The following SCN2A variants were observed in gnomAD, a reference collection of about 807,000 sequenced individuals.
The protein encoded by SCN2A is sodium channel protein type 2 subunit alpha.
A neutral mutation model predicts 188.7 loss-of-function variants in SCN2A; 20 were observed. The ratio of observed to expected loss-of-function variants is 0.11; its 90% confidence interval spans 0.07 to 0.15. The LOEUF is 0.15. SCN2A is among the 10% of genes least tolerant of loss of function. SCN2A has a pLI of 1.00. For synonymous variants in SCN2A, 804 were observed against 833.1 expected, an observed-to-expected ratio of 0.97 and a Z score of 0.60; for missense variants, 1,278 against 2,445.0, an observed-to-expected ratio of 0.52 and a Z score of 10.07.
At position 165,280,486 on chromosome 2, in the gene SCN2A, CT is replaced by C. The variant is rs562501399; in HGVS notation, c.-51-15284del. On this transcript the variant is annotated intron_variant, in intron 1 of 26. Transcript: ENST00000375437. ...TTTAAGAATCTGTACCTGTGTCTTG[CT>C]TTAGATAACTGTCTTCAGATTATCT... Among the ~76,000 whole-genome samples, 878 of 152,184 alleles carry C rather than the reference CT, an allele frequency of 5.8e-3. 2 individuals are homozygous for C. Among genetic ancestry groups the C allele is most frequent in the Non-Finnish European group, 8.6e-3 (582 of 68,026 alleles).
intron 23 of SCN2A, among the ~76,000 whole-genome samples, chr2:165,379,615 T>A (rs975665509): frequency 6.6e-6 from 1 of 151,790 alleles, no homozygotes; most frequent in African/African-American, 2.4e-5. Context: ...CTTTTAAAAA[T>A]TTTAAAAATA....
At chr2:165,260,611 A>G (rs535867556) in intron 1 of SCN2A, among the ~76,000 whole-genome samples, 2 of 152,202 alleles carry the variant, frequency 1.3e-5, no homozygotes, top group South Asian at 4.1e-4. Flanking sequence ...ATCCCTCAGT[A>G]TGCATGGAGG....
intron 3 of SCN2A, among the ~76,000 whole-genome samples, chr2:165,307,124 T>C (rs1156459596): frequency 1.3e-5 from 2 of 152,154 alleles, no homozygotes; most frequent in Non-Finnish European, 2.9e-5. Flanking sequence ...GTGTTCTGTA[T>C]GATCCAGGAA....
chr2:165,294,073 G>C, intron 1 of SCN2A: 2 of 874,310 alleles, frequency 2.3e-6, no homozygotes, highest in Non-Finnish European at 2.7e-6. Context: ...TGGAATTTTA[G>C]CTGCAGTCTT....
chr2:165,327,086 A>C, intron 13 of SCN2A, 102 bp downstream of exon 13: 6 of 1,359,938 alleles, frequency 4.4e-6, no homozygotes, highest in Non-Finnish European at 6.3e-6. Flanking sequence ...ATATTGTATC[A>C]TTATTACACA....
chr2:165,290,757 A>G (rs1696058503), intron 1 of SCN2A: 1 of 985,054 alleles, frequency 1.0e-6, no homozygotes, highest in African/African-American at 1.7e-5. Flanking sequence ...TGATTGCAGT[A>G]GGACAACTTA....
chr2:165,327,274 G>T, intron 13 of SCN2A: 2 of 388,348 alleles, frequency 5.2e-6, no homozygotes, highest in South Asian at 2.2e-5. Flanking sequence ...GTTGAAAAGA[G>T]TGTAATGATA....
At chr2:165,312,239 T>G in intron 8 of SCN2A, 151 bp downstream of exon 8, 1 of 686,760 alleles carries the variant, frequency 1.5e-6, no homozygotes, top group Non-Finnish European at 2.7e-6. Context: ...CCAGGATAAG[T>G]GTAGATTCTC....
chr2:165,246,994 A>AT (rs1425301849), intron 1 of SCN2A, among the ~76,000 whole-genome samples: 3 of 151,882 alleles, frequency 2.0e-5, no homozygotes, highest in Admixed American at 6.6e-5. Flanking sequence ...ATCAGGAGAG[A>AT]TTTTTCCCCA....
At position 165,368,942 on chromosome 2, in the gene SCN2A, AT is replaced by A. The variant is rs1262173336; in HGVS notation, c.3676-1178del. ...CTTTACCTTTATTATTATTATTATT[AT>A]TTTTTAGACAGTCTTGCTGTTGCCC... On this transcript the variant is annotated intron_variant, in intron 19 of 26. Transcript: ENST00000375437. Among the ~76,000 whole-genome samples, 4 of 151,724 alleles carry A rather than the reference AT, an allele frequency of 2.6e-5. No homozygotes were observed. In the East Asian group the frequency reaches 7.8e-4, roughly 30 times the overall value.
intron 16 of SCN2A, among the ~76,000 whole-genome samples, chr2:165,353,011 A>G (rs1700006313): frequency 6.6e-6 from 1 of 150,448 alleles, no homozygotes; most frequent in African/African-American, 2.4e-5. Flanking sequence ...TATATGACTC[A>G]GTCTTGTACC....
chr2:165,249,403 C>T (rs905818835), intron 1 of SCN2A, among the ~76,000 whole-genome samples: 2 of 152,052 alleles, frequency 1.3e-5, no homozygotes, highest in Non-Finnish European at 2.9e-5. Context: ...GCAGTATTCT[C>T]ACTGTCTAAT....
chr2:165,279,982 C>T (rs1425340071), intron 1 of SCN2A, among the ~76,000 whole-genome samples: 2 of 152,086 alleles, frequency 1.3e-5, no homozygotes, highest in East Asian at 1.9e-4. Flanking sequence ...CCACCATTCA[C>T]GAAATATGTG....
chr2:165,380,784 C>T, intron 24 of SCN2A, 55 bp downstream of exon 24: 1 of 1,366,128 alleles, frequency 7.3e-7, no homozygotes, highest in South Asian at 1.2e-5. Context: ...ATATTTCATA[C>T]TCTTTCCTTT....
At chr2:165,350,076 T>G (rs1699805401) in intron 16 of SCN2A, among the ~76,000 whole-genome samples, 1 of 152,180 alleles carries the variant, frequency 6.6e-6, no homozygotes. Context: ...TATGAGCCAT[T>G]CTTAGTTTCC....
intron 1 of SCN2A, chr2:165,272,794 ACAC>A (rs1695161413): frequency 6.6e-6 from 1 of 151,140 alleles, no homozygotes; most frequent in Non-Finnish European, 1.5e-5. Context: ...ACACACACAC[ACAC>A]ACACACACAA....
At chr2:165,372,331 C>T (rs1701081266) in intron 20 of SCN2A, 1 of 151,990 alleles carries the variant, frequency 6.6e-6, no homozygotes, top group Non-Finnish European at 1.5e-5. Context: ...TAACAACTTT[C>T]AATGTGCTTC....
chr2:165,326,812 T>C, intron 12 of SCN2A, 40 bp from the exon 13 acceptor site: 1 of 1,612,786 alleles, frequency 6.2e-7, no homozygotes. Flanking sequence ...TTTGCTGCTT[T>C]CAAAAATAGT....
intron 1 of SCN2A, among the ~76,000 whole-genome samples, chr2:165,293,213 G>A (rs1454111329): frequency 1.3e-5 from 2 of 152,166 alleles, no homozygotes; most frequent in African/African-American, 4.8e-5. Flanking sequence ...GGTAATTGCT[G>A]TTTAATATGA....
Sources: gnomAD v4.1 joint callset for allele counts (sites outside exome capture counted in the v4.1 genomes callset) on GRCh38, gnomAD v4.1.1 for gene constraint, MANE v1.5 for transcripts, NCBI Gene and HGNC (gene_info 2026-07-23, HGNC 2026-07-21) for gene names.